The following ARHGAP6 variants were observed in gnomAD, a reference collection of about 807,000 sequenced individuals.
ARHGAP6 encodes the protein Rho GTPase activating protein 6.
Under a neutral mutation model 55.7 loss-of-function variants are expected in ARHGAP6, and 16 were observed. The ratio of observed to expected loss-of-function variants is 0.29; its 90% CI spans 0.19 to 0.44. ARHGAP6 has a LOEUF of 0.44. Ranked by LOEUF, ARHGAP6 falls within the 20% of genes least tolerant of loss-of-function variation. The pLI, the probability that ARHGAP6 is intolerant of heterozygous loss-of-function variation, is 1.00. For synonymous variants in ARHGAP6, 382 were observed against 360.9 expected, an observed-to-expected ratio of 1.06 and a Z score of -0.66; for missense variants, 698 against 808.9, an observed-to-expected ratio of 0.86 and a Z score of 1.66.
At chrX:11,290,521 AATG>A (rs748211532) in intron 1 of ARHGAP6, 12 of 319,354 alleles carry the variant, frequency 3.8e-5, no homozygotes, top group South Asian at 3.5e-4. Flanking sequence ...TATCCTAGAG[AATG>A]ATGTTTTCTT....
intron 1 of ARHGAP6, among the ~76,000 whole-genome samples, chrX:11,347,720 A>G (rs2048806211): frequency 8.9e-6 from 1 of 112,376 alleles, no homozygotes; most frequent in Non-Finnish European, 1.9e-5. Flanking sequence ...AGACAGGAAA[A>G]TGACACTTGC....
At chrX:11,540,273 A>T (rs1397777479) in intron 1 of ARHGAP6, among the ~76,000 whole-genome samples, 2 of 95,526 alleles carry the variant, frequency 2.1e-5, no homozygotes, top group Non-Finnish European at 4.3e-5. Context: ...AAAGGAAAAG[A>T]AAAAAAAAAA....
intron 1 of ARHGAP6, among the ~76,000 whole-genome samples, chrX:11,461,959 A>T (rs1441252975): frequency 1.8e-5 from 2 of 112,125 alleles, no homozygotes; most frequent in East Asian, 5.6e-4. Flanking sequence ...AGGCTGAAGG[A>T]GGGACAATAG....
chrX:11,569,417 GGCT>G (rs2147104385), intron 1 of ARHGAP6, among the ~76,000 whole-genome samples: 1 of 111,812 alleles, frequency 8.9e-6, no homozygotes, highest in Non-Finnish European at 1.9e-5. Flanking sequence ...TGTCATGGGT[GGCT>G]AGTGCAGGTG....
chrX:11,267,982 G>A (rs1008127313), intron 1 of ARHGAP6, among the ~76,000 whole-genome samples: 2 of 112,234 alleles, frequency 1.8e-5, no homozygotes, highest in Non-Finnish European at 3.8e-5. Context: ...CTGTGGAAGA[G>A]TTTCGCTAAT....
chrX:11,287,967 C>T (rs1337696277), intron 1 of ARHGAP6, among the ~76,000 whole-genome samples: 2 of 112,535 alleles, frequency 1.8e-5, no homozygotes, highest in African/African-American at 3.2e-5. Flanking sequence ...ACACACTGGG[C>T]CACTTCCATG....
intron 1 of ARHGAP6, among the ~76,000 whole-genome samples, chrX:11,607,952 C>T (rs765867683): frequency 1.8e-5 from 2 of 112,097 alleles, no homozygotes; most frequent in African/African-American, 3.2e-5. Context: ...TCTTCAAAAA[C>T]GCTGATTTAA....
chrX:11,526,310 A>G (rs1248816190), intron 1 of ARHGAP6, among the ~76,000 whole-genome samples: 4 of 111,810 alleles, frequency 3.6e-5, no homozygotes, highest in African/African-American at 1.3e-4. Flanking sequence ...GTTGCTTTCT[A>G]GGTGTAACCA....
intron 1 of ARHGAP6, among the ~76,000 whole-genome samples, chrX:11,580,054 G>A (rs978659484): frequency 3.6e-5 from 4 of 111,337 alleles, no homozygotes; most frequent in African/African-American, 1.3e-4. Context: ...GTTAACTGCT[G>A]CCATGACTCA....
At chrX:11,594,292 A>C (rs1485759324) in intron 1 of ARHGAP6, among the ~76,000 whole-genome samples, 1 of 102,090 alleles carries the variant, frequency 9.8e-6, no homozygotes, top group Non-Finnish European at 2.0e-5. Context: ...TCCACTATTG[A>C]CCCTACAGGT....
At chrX:11,486,122 T>A (rs1384378960) in intron 1 of ARHGAP6, among the ~76,000 whole-genome samples, 5 of 111,305 alleles carry the variant, frequency 4.5e-5, no homozygotes, top group Non-Finnish European at 9.4e-5. Flanking sequence ...CACCTCCTAA[T>A]AAGGAAAAAT....
chrX:11,426,871 C>T (rs929403578), intron 1 of ARHGAP6, among the ~76,000 whole-genome samples: 1 of 110,328 alleles, frequency 9.1e-6, no homozygotes, highest in Admixed American at 9.7e-5. Context: ...GCAGTACCTG[C>T]AGCACCTAGC....
At chrX:11,279,439 C>T (rs1361195912) in intron 1 of ARHGAP6, among the ~76,000 whole-genome samples, 1 of 111,565 alleles carries the variant, frequency 9.0e-6, no homozygotes, top group African/African-American at 3.3e-5. Flanking sequence ...GTCTATTTTC[C>T]ACAAATTCTA....
intron 1 of ARHGAP6, among the ~76,000 whole-genome samples, chrX:11,497,417 G>A (rs771242939): frequency 1.8e-5 from 2 of 110,889 alleles, no homozygotes; most frequent in South Asian, 7.8e-4. Context: ...CAATGTAATG[G>A]AATGTGAAGG....
At chrX:11,568,756 CA>C (rs779282032) in intron 1 of ARHGAP6, among the ~76,000 whole-genome samples, 7,994 of 54,425 alleles carry the variant, frequency 0.15, 402 homozygotes, top group Admixed American at 0.26. Flanking sequence ...GATACTATCT[CA>C]AAAAAAAAAA....
At chrX:11,414,413 T>C (rs1473232330) in intron 1 of ARHGAP6, among the ~76,000 whole-genome samples, 5 of 111,458 alleles carry the variant, frequency 4.5e-5, no homozygotes, top group African/African-American at 1.6e-4. Context: ...AACTGATTCT[T>C]AGCTCATAGG....
chrX:11,505,908 A>T (rs1447129769), intron 1 of ARHGAP6, among the ~76,000 whole-genome samples: 1 of 111,167 alleles, frequency 9.0e-6, no homozygotes, highest in African/African-American at 3.3e-5. Context: ...GATGGAGGGT[A>T]TAGGAGCAGA....
chrX:11,482,228 T>G (rs1304293525), intron 1 of ARHGAP6, among the ~76,000 whole-genome samples: 1 of 111,742 alleles, frequency 8.9e-6, no homozygotes, highest in Non-Finnish European at 1.9e-5. Context: ...GCCTCAAATA[T>G]CAATAGTACT....
chrX:11,580,424 C>A (rs2051652576), intron 1 of ARHGAP6, among the ~76,000 whole-genome samples: 1 of 111,701 alleles, frequency 9.0e-6, no homozygotes, highest in South Asian at 3.7e-4. Context: ...TTCTTCCTGT[C>A]CTACATCAAT....
Sources: gnomAD v4.1 joint callset for allele counts (sites outside exome capture counted in the v4.1 genomes callset) on GRCh38, gnomAD v4.1.1 for gene constraint, MANE v1.5 for transcripts, NCBI Gene and HGNC (gene_info 2026-07-23, HGNC 2026-07-21) for gene names.